Variants in APLF observed in about 807,000 individuals in gnomAD.
The protein encoded by APLF is aprataxin and PNKP like factor.
In APLF, 61 loss-of-function variants were observed where a neutral mutation model predicts 55.6. That is an observed-to-expected ratio of 1.10 (90% CI 0.89 to 1.36). The LOEUF (loss-of-function observed/expected upper bound fraction) is 1.36. Among genes scored for constraint, APLF ranks in the 40% most tolerant of loss-of-function variants. APLF has a pLI of 0.00. For missense variants in APLF, 611 were observed against 602.5 expected (o/e 1.01, Z -0.15); for synonymous variants, 207 against 214.8 (o/e 0.96, Z 0.32).
chr2:68,485,667 G>T (rs1676141303), intron 1 of APLF, among the ~76,000 whole-genome samples: 1 of 151,776 alleles, frequency 6.6e-6, no homozygotes, highest in Non-Finnish European at 1.5e-5. Context: ...GATTTTTCTG[G>T]TTCTACCATT....
intron 9 of APLF, among the ~76,000 whole-genome samples, chr2:68,569,392 G>C (rs1433845482): frequency 6.6e-6 from 1 of 152,076 alleles, no homozygotes; most frequent in African/African-American, 2.4e-5. Flanking sequence ...TTGCTGTGTG[G>C]GAGATTGGTA....
At chr2:68,524,104 C>CA (rs902105398) in intron 5 of APLF, among the ~76,000 whole-genome samples, 1 of 152,098 alleles carries the variant, frequency 6.6e-6, no homozygotes, top group African/African-American at 2.4e-5. Context: ...GCATAATCAG[C>CA]AATACCACTA....
intron 7 of APLF, among the ~76,000 whole-genome samples, chr2:68,544,259 G>A (rs1395564051): frequency 1.3e-5 from 2 of 152,096 alleles, no homozygotes; most frequent in African/African-American, 4.8e-5. Flanking sequence ...GATTACAGGT[G>A]TGAGCCACCA....
At chr2:68,490,360 T>A in intron 2 of APLF, 99 bp downstream of exon 2, 1 of 917,612 alleles carries the variant, frequency 1.1e-6, no homozygotes, top group Non-Finnish European at 1.6e-6. Flanking sequence ...AATAGGGAAT[T>A]AATGTCAGAA....
intron 6 of APLF, among the ~76,000 whole-genome samples, chr2:68,527,284 C>T (rs1183021720): frequency 1.3e-5 from 2 of 151,560 alleles, no homozygotes; most frequent in Non-Finnish European, 2.9e-5. Context: ...CTCCTCACTT[C>T]CCAGATGGGA....
intron 5 of APLF, among the ~76,000 whole-genome samples, chr2:68,517,095 T>C (rs1226706219): frequency 8.0e-6 from 1 of 124,352 alleles, no homozygotes; most frequent in Non-Finnish European, 1.6e-5. Flanking sequence ...TATTAATATA[T>C]AATATACTAA....
At chr2:68,541,677 A>C (rs1314214380) in intron 7 of APLF, among the ~76,000 whole-genome samples, 1 of 152,218 alleles carries the variant, frequency 6.6e-6, no homozygotes, top group East Asian at 1.9e-4. Context: ...ATGCTGTCAC[A>C]GTGTGCAAGC....
intron 5 of APLF, among the ~76,000 whole-genome samples, chr2:68,518,736 G>GAATATACAAT (rs1558539842): frequency 9.1e-6 from 1 of 109,948 alleles, no homozygotes; most frequent in Non-Finnish European, 1.7e-5. Context: ...AATATATCAT[G>GAATATACAAT]AATATATCAT....
Position 68,467,769 on chromosome 2 carries a change from GT to G in APLF, c.39del (p.Arg15GlyfsTer10), listed in dbSNP as rs1675473955. ...TTCGAGCTGCAGCCGCGGGACGGCG[GT>G]CCCCGGGTGGCCCTGGCGCCCGGGG... ...GGFELQPRDG[G>X]PRVALAPGET... On this transcript the variant is annotated frameshift_variant, in exon 1 of 10. Coordinates refer to ENST00000303795, the MANE Select transcript of APLF (RefSeq NM_173545.3). LOFTEE classifies it high-confidence loss of function. The G allele has an allele frequency of 8.1e-7, 1 of 1,234,442 alleles. No homozygotes were observed. Among genetic ancestry groups the G allele is most frequent in the African/African-American group, 1.6e-5 (1 of 64,462 alleles). 76.5% of individuals were successfully genotyped at this position (1,234,442 alleles called of 1,614,324 possible).
intron 2 of APLF, among the ~76,000 whole-genome samples, chr2:68,491,123 A>G (rs1232149666): frequency 6.6e-6 from 1 of 152,220 alleles, no homozygotes; most frequent in Non-Finnish European, 1.5e-5. Context: ...AAATTATTCA[A>G]TGTATTCACC....
intron 9 of APLF, among the ~76,000 whole-genome samples, chr2:68,576,174 A>C (rs951052046): frequency 4.6e-5 from 7 of 152,288 alleles, no homozygotes; most frequent in Non-Finnish European, 1.0e-4. Flanking sequence ...GATAATGTGC[A>C]TTCACATCTT....
chr2:68,526,943 T>G (rs1161243627), intron 6 of APLF, among the ~76,000 whole-genome samples: 2 of 152,192 alleles, frequency 1.3e-5, no homozygotes, highest in Admixed American at 1.3e-4. Flanking sequence ...TAAACTTTAA[T>G]GTCGAAAATG....
intron 9 of APLF, among the ~76,000 whole-genome samples, chr2:68,575,481 CT>C (rs1012149381): frequency 2.6e-5 from 4 of 151,920 alleles, no homozygotes; most frequent in Admixed American, 2.6e-4. Context: ...GGTTTTCTGA[CT>C]TTTTTTTGTG....
intron 8 of APLF, among the ~76,000 whole-genome samples, chr2:68,554,023 A>G (rs944098736): frequency 1.3e-5 from 2 of 152,064 alleles, no homozygotes; most frequent in Non-Finnish European, 2.9e-5. Context: ...TAATCTTACT[A>G]TTATACTACA....
intron 7 of APLF, among the ~76,000 whole-genome samples, 186 bp downstream of exon 7, chr2:68,538,413 A>T (rs1670458558): frequency 6.6e-6 from 1 of 152,160 alleles, no homozygotes; most frequent in East Asian, 1.9e-4. Flanking sequence ...GGCTTTTAAG[A>T]TACAGTGGGA....
chr2:68,540,077 A>G (rs1037265901), intron 7 of APLF, among the ~76,000 whole-genome samples: 1 of 152,162 alleles, frequency 6.6e-6, no homozygotes, highest in African/African-American at 2.4e-5. Context: ...TACATGTGCC[A>G]TGGTTTTCTG....
intron 6 of APLF, chr2:68,535,271 G>A (rs772915231): frequency 3.4e-5 from 14 of 407,120 alleles, no homozygotes; most frequent in Middle Eastern, 3.5e-4. Context: ...TTTTTAAATG[G>A]CAACATAATA....
rs1194432444 is a variant in APLF at position 68,496,675 on chromosome 2, A to G, written c.169-6056A>G. Among the ~76,000 whole-genome samples, 6 of 152,262 alleles carry G rather than the reference A, an allele frequency of 3.9e-5. No individual in the cohort carries two copies. In the South Asian group the frequency reaches 8.3e-4, roughly 21 times the overall value. On this transcript the variant is annotated intron_variant, in intron 2 of 9. Transcript: ENST00000303795. ...AGGTTTCCTCTACCAGATTCCCTAA[A>G]TCATCATTCTTTAGGTCAGACTTCC...
chr2:68,483,887 TTC>T (rs1194160834), intron 1 of APLF, among the ~76,000 whole-genome samples: 1 of 152,174 alleles, frequency 6.6e-6, no homozygotes, highest in Non-Finnish European at 1.5e-5. Context: ...GTTCAGAAAC[TTC>T]TCTAGAAAAG....
Sources: allele counts gnomAD v4.1 joint callset (sites outside exome capture counted in the v4.1 genomes callset), GRCh38; gene constraint gnomAD v4.1.1; transcripts MANE v1.5; gene names NCBI Gene and HGNC (gene_info 2026-07-23, HGNC 2026-07-21).